Variants in RAB3GAP1 observed in about 807,000 individuals in gnomAD.
RAB3GAP1 encodes the protein RAB3 GTPase activating protein catalytic subunit 1.
In RAB3GAP1, 86 loss-of-function variants were observed where a neutral mutation model predicts 130.7. The observed-to-expected ratio is 0.66, with a 90% CI of 0.55 to 0.79. The LOEUF is 0.79. Ranked by LOEUF, RAB3GAP1 falls within the 30% of genes least tolerant of loss-of-function variation. The probability of loss-of-function intolerance (pLI) is 0.00; values close to 1 mark genes in which losing one functional copy is unlikely to be tolerated. For synonymous variants in RAB3GAP1, 367 were observed against 401.7 expected (o/e 0.91, Z 1.03); for missense variants, 1,029 against 1,169.4 (o/e 0.88, Z 1.75).
intron 11 of RAB3GAP1, among the ~76,000 whole-genome samples, chr2:135,128,012 C>T (rs903622774): frequency 1.3e-5 from 2 of 152,180 alleles, no homozygotes; most frequent in Non-Finnish European, 2.9e-5. Flanking sequence ...AACTCTCTAT[C>T]ACTTGATATA....
At chr2:135,086,362 T>C (rs1011094843) in intron 3 of RAB3GAP1, among the ~76,000 whole-genome samples, 1 of 152,216 alleles carries the variant, frequency 6.6e-6, no homozygotes, top group African/African-American at 2.4e-5. Context: ...TTCCTCTGTG[T>C]TCTCTGTGAC....
chr2:135,088,753 G>A (rs956552491), intron 3 of RAB3GAP1, among the ~76,000 whole-genome samples: 1 of 151,088 alleles, frequency 6.6e-6, no homozygotes, highest in Non-Finnish European at 1.5e-5. Flanking sequence ...ACTTTTTGAT[G>A]GGGTTGTTTT....
chr2:135,057,728 G>A (rs545483839), intron 2 of RAB3GAP1, among the ~76,000 whole-genome samples: 3 of 152,068 alleles, frequency 2.0e-5, no homozygotes, highest in Non-Finnish European at 2.9e-5. Context: ...TGTTTTATTC[G>A]TTTTATTAGA....
chr2:135,110,935 G>GA, intron 5 of RAB3GAP1, among the ~76,000 whole-genome samples: 1 of 152,186 alleles, frequency 6.6e-6, no homozygotes, highest in South Asian at 2.1e-4. Flanking sequence ...ATGGAACGGG[G>GA]ATGTTCACTT....
At chr2:135,055,390 A>G (rs1342450901) in intron 2 of RAB3GAP1, among the ~76,000 whole-genome samples, 2 of 152,242 alleles carry the variant, frequency 1.3e-5, no homozygotes, top group Non-Finnish European at 2.9e-5. Flanking sequence ...ATTTTAAGAC[A>G]TTCCTGGCCG....
chr2:135,148,497 T>C (rs1435136169), intron 17 of RAB3GAP1, among the ~76,000 whole-genome samples: 1 of 148,308 alleles, frequency 6.7e-6, no homozygotes, highest in East Asian at 2.0e-4. Context: ...AATTCTTTTT[T>C]TTTTTTTTTT....
chr2:135,090,929 T>C (rs1690125027), intron 3 of RAB3GAP1, 69 bp from the exon 4 acceptor site: 1 of 1,426,014 alleles, frequency 7.0e-7, no homozygotes. Flanking sequence ...AAAATATCCC[T>C]GTCGTTAGTA....
intron 17 of RAB3GAP1, among the ~76,000 whole-genome samples, chr2:135,144,869 C>T (rs1476942173): frequency 1.3e-5 from 2 of 152,180 alleles, no homozygotes; most frequent in Admixed American, 6.5e-5. Context: ...TCTGAACTTT[C>T]CAGTTTCCTC....
intron 3 of RAB3GAP1, among the ~76,000 whole-genome samples, chr2:135,062,669 A>G (rs1647625906): frequency 1.3e-5 from 2 of 152,234 alleles, no homozygotes; most frequent in African/African-American, 4.8e-5. Flanking sequence ...AACATGGCAC[A>G]TCTCTCCATT....
chr2:135,108,027 T>C (rs992731229), intron 5 of RAB3GAP1, among the ~76,000 whole-genome samples: 3 of 151,172 alleles, frequency 2.0e-5, no homozygotes, highest in Non-Finnish European at 4.4e-5. Context: ...TGGTATGGTT[T>C]TATGATTTGC....
chr2:135,132,514 A>G (rs1691577927), intron 13 of RAB3GAP1, among the ~76,000 whole-genome samples: 1 of 152,148 alleles, frequency 6.6e-6, no homozygotes, highest in South Asian at 2.1e-4. Context: ...TCATGAGTAC[A>G]TGAGTGTTTT....
intron 13 of RAB3GAP1, among the ~76,000 whole-genome samples, chr2:135,131,510 G>A (rs1387912290): frequency 7.2e-5 from 11 of 152,126 alleles, no homozygotes; most frequent in Non-Finnish European, 1.3e-4. Context: ...GATTACAGGC[G>A]TGAGCCACCG....
rs1474330003 is a variant in RAB3GAP1 at position 135,089,385 on chromosome 2, G to T, written c.151-1613G>T. 9.2e-5 allele frequency among the ~76,000 whole-genome samples: 14 copies of T among 152,128 alleles called. No individual in the cohort carries two copies. The East Asian group carries it at 2.7e-3, about 29-fold the overall frequency. Reference sequence around the variant, plus strand: ...TCTTGGCTATATTGGCGCTTTTTTGGTTCCATATGAAATTTAGTTTTTTCT... The same window carrying T: ...TCTTGGCTATATTGGCGCTTTTTTGTTTCCATATGAAATTTAGTTTTTTCT... On this transcript the variant is annotated intron_variant, in intron 3 of 23. Coordinates refer to ENST00000264158, the MANE Select transcript of RAB3GAP1 (RefSeq NM_012233.3).
rs778446423 is a variant in RAB3GAP1, at chr2:135,135,750, A to C, written c.1741A>C (p.Ser581Arg). The C allele has an allele frequency of 9.3e-6, 15 of 1,614,094 alleles. 1 individual carries two copies. The highest frequency in any genetic ancestry group is 5.1e-6 in the Non-Finnish European group (6 of 1,179,958). Residue 581 changes from serine to arginine, a missense_variant, in exon 17 of 24, where the codon AGC becomes CGC. Ser to Arg is a moderately radical substitution (Grantham distance 110). Coordinates refer to ENST00000264158, the MANE Select transcript of RAB3GAP1 (RefSeq NM_012233.3). ...VGKSWDSWSD[S>R]EEEFFECLSD... ...AAAATCTTGGGATTCCTGGAGTGAC[A>C]GCGAAGAAGAATTTTTTGAATGCCT...
intron 5 of RAB3GAP1, among the ~76,000 whole-genome samples, chr2:135,099,931 A>G (rs1439893618): frequency 1.3e-5 from 2 of 152,216 alleles, no homozygotes; most frequent in African/African-American, 4.8e-5. Flanking sequence ...TGGTAATCTC[A>G]TCAGAAAGAT....
Position 135,130,646 on chromosome 2 carries a change from A to G in RAB3GAP1, c.1161A>G (p.Ala387=). 1 of 1,613,884 alleles carries G rather than the reference A, an allele frequency of 6.2e-7. No homozygotes were observed. The highest frequency in any genetic ancestry group is 2.2e-5 in the East Asian group (1 of 44,850). ...KLSVSNMVHT[A]KKKIRKHRGV... ...CAGTTTCAAATATGGTACACACTGC[A>G]AAGAAGAAAATCCGAAAACACAGAG... Residue 387 remains alanine (A), a synonymous_variant, in exon 13 of 24, where the codon GCA becomes GCG. Transcript: ENST00000264158.
Position 135,052,340 on chromosome 2 carries a change from C to G in RAB3GAP1, c.18+15C>G, listed in dbSNP as rs1688903754. ...CCGACAGTGAGGTGATTTCTTTGCT[C>G]CCTACTTAATCCTTGTCACTATCTA... On this transcript the variant is annotated intron_variant, in intron 1 of 23. Transcript: ENST00000264158. 1.9e-6 allele frequency: 3 copies of G among 1,614,000 alleles called. No homozygotes were observed. Among genetic ancestry groups the G allele is most frequent in the South Asian group, 1.1e-5 (1 of 91,080 alleles).
Position 135,112,178 on chromosome 2 carries a change from A to C in RAB3GAP1, c.363-973A>C, listed in dbSNP as rs559893500. Among the ~76,000 whole-genome samples, 7 of 152,222 alleles carry C rather than the reference A, an allele frequency of 4.6e-5. No individual in the cohort carries two copies. The East Asian group carries it at 1.4e-3, about 29-fold the overall frequency. On this transcript the variant is annotated intron_variant, in intron 5 of 23. Coordinates refer to ENST00000264158, the MANE Select transcript of RAB3GAP1 (RefSeq NM_012233.3). ...AGCAGGACGCAAGCTTGTCCCCCAA[A>C]TAGTGGTGACCTCAAACTGTAATAT... is the stretch of plus-strand genomic sequence containing the variant.
At chr2:135,103,275 A>G (rs1690505668) in intron 5 of RAB3GAP1, among the ~76,000 whole-genome samples, 1 of 151,518 alleles carries the variant, frequency 6.6e-6, no homozygotes, top group East Asian at 2.0e-4. Flanking sequence ...GAGCTCAGGC[A>G]CTCTGCCCAC....
Sources: allele counts gnomAD v4.1 joint callset (sites outside exome capture counted in the v4.1 genomes callset), GRCh38; gene constraint gnomAD v4.1.1; transcripts MANE v1.5; gene names NCBI Gene and HGNC (gene_info 2026-07-23, HGNC 2026-07-21).